Variants in NEO1 observed in about 807,000 individuals in gnomAD.
NEO1 encodes the protein neogenin.
In NEO1, 63 loss-of-function variants were observed where a neutral mutation model predicts 159.7. The observed-to-expected ratio is 0.39, with a 90% CI of 0.32 to 0.49. The LOEUF is 0.49. NEO1 is among the 20% of genes least tolerant of loss of function. The pLI, the probability that NEO1 is intolerant of heterozygous loss-of-function variation, is 0.85. For missense variants in NEO1, 1,615 were observed against 1,831.0 expected, an observed-to-expected ratio of 0.88 and a Z score of 2.15; for synonymous variants, 633 against 662.0, an observed-to-expected ratio of 0.96 and a Z score of 0.67.
intron 19 of NEO1, among the ~76,000 whole-genome samples, chr15:73,272,968 C>CAAAAA (rs56162211): frequency 2.3e-5 from 2 of 86,588 alleles, no homozygotes; most frequent in African/African-American, 4.6e-5. Flanking sequence ...CCTGAAGCCA[C>CAAAAA]AAAAAAAAAA....
At chr15:73,171,954 A>G (rs1358369011) in intron 5 of NEO1, among the ~76,000 whole-genome samples, 2 of 152,118 alleles carry the variant, frequency 1.3e-5, no homozygotes, top group African/African-American at 4.8e-5. Flanking sequence ...AAATTATTTT[A>G]GATACCAGCC....
At chr15:73,151,992 G>T (rs574248646) in intron 5 of NEO1, among the ~76,000 whole-genome samples, 6 of 152,252 alleles carry the variant, frequency 3.9e-5, no homozygotes, top group African/African-American at 1.2e-4. Context: ...GTAAATAATT[G>T]AATTTGCCTA....
chr15:73,192,428 G>A (rs2036284575), intron 7 of NEO1, among the ~76,000 whole-genome samples: 1 of 151,818 alleles, frequency 6.6e-6, no homozygotes. Flanking sequence ...AGGAAACATA[G>A]TTTTGAGTTC....
intron 7 of NEO1, among the ~76,000 whole-genome samples, chr15:73,222,350 C>T (rs551451922): frequency 1.3e-5 from 2 of 151,694 alleles, no homozygotes; most frequent in Admixed American, 6.6e-5. Context: ...GTGATCCGCC[C>T]GCCTCAGCCT....
At chr15:73,173,914 A>G (rs2035124780) in intron 5 of NEO1, among the ~76,000 whole-genome samples, 1 of 152,110 alleles carries the variant, frequency 6.6e-6, no homozygotes, top group Non-Finnish European at 1.5e-5. Context: ...AGCCTGGCCA[A>G]CATGGTGAAA....
At chr15:73,258,689 G>A in intron 13 of NEO1, 77 bp from the exon 14 acceptor site, 1 of 1,215,080 alleles carries the variant, frequency 8.2e-7, no homozygotes, top group Non-Finnish European at 1.2e-6. Flanking sequence ...TGAGATGTTT[G>A]CCTTAATGAG....
chr15:73,214,823 T>G (rs919848797), intron 7 of NEO1, among the ~76,000 whole-genome samples: 13 of 152,200 alleles, frequency 8.5e-5, no homozygotes, highest in Admixed American at 3.3e-4. Context: ...AGAATGATGG[T>G]GGCATTTTGA....
chr15:73,215,400 A>T (rs2037818863), intron 7 of NEO1, among the ~76,000 whole-genome samples: 1 of 152,098 alleles, frequency 6.6e-6, no homozygotes, highest in African/African-American at 2.4e-5. Flanking sequence ...ATTCAGTATT[A>T]TATTGGCTGT....
intron 20 of NEO1, 47 bp from the exon 21 acceptor site, chr15:73,274,645 T>C (rs1422937643): frequency 6.2e-7 from 1 of 1,602,906 alleles, no homozygotes; most frequent in Non-Finnish European, 8.5e-7. Flanking sequence ...CTTCAAAGCT[T>C]GTGATCCTTG....
chr15:73,165,624 A>C (rs988535328), intron 5 of NEO1, among the ~76,000 whole-genome samples: 2 of 152,198 alleles, frequency 1.3e-5, no homozygotes, highest in Non-Finnish European at 2.9e-5. Flanking sequence ...TATCACCTGG[A>C]GTTCAGAGTT....
chr15:73,262,188 T>C (rs1027660019), intron 15 of NEO1, among the ~76,000 whole-genome samples: 2 of 152,200 alleles, frequency 1.3e-5, no homozygotes, highest in Non-Finnish European at 2.9e-5. Flanking sequence ...AAAAAATCTT[T>C]ATGACTTTGG....
intron 1 of NEO1, among the ~76,000 whole-genome samples, chr15:73,106,358 T>C (rs765121646): frequency 6.6e-5 from 10 of 152,184 alleles, no homozygotes; most frequent in Non-Finnish European, 7.4e-5. Flanking sequence ...ATCTTCTAGA[T>C]AGCACATTAG....
At position 73,249,624 on chromosome 15, in the gene NEO1, GA is replaced by G; in HGVS notation, c.1803del (p.Lys601AsnfsTer44). 6.2e-7 allele frequency: 1 copy of G among 1,613,402 alleles called. No individual in the cohort carries two copies. Among genetic ancestry groups the G allele is most frequent in the South Asian group, 1.1e-5 (1 of 90,924 alleles). ...GTCACTCTTACACCATTAATGGGTTGAAAAAATATACAGAGTATAGTTTCCG... is the reference window on the plus strand; with the variant it reads ...GTCACTCTTACACCATTAATGGGTTGAAAAATATACAGAGTATAGTTTCCG... The part of the protein sequence containing the change: ...SSHSYTINGL[K>X]KYTEYSFRVV... On this transcript the variant is annotated frameshift_variant, in exon 11 of 29. Coordinates refer to ENST00000261908, the MANE Select transcript of NEO1 (RefSeq NM_002499.4). LOFTEE classifies it high-confidence loss of function.
intron 5 of NEO1, among the ~76,000 whole-genome samples, chr15:73,142,031 T>G (rs955719233): frequency 6.6e-6 from 1 of 152,208 alleles, no homozygotes; most frequent in South Asian, 2.1e-4. Flanking sequence ...CCAAGTTAAT[T>G]AATTTACCTA....
At chr15:73,129,410 A>G (rs1281156907) in intron 4 of NEO1, among the ~76,000 whole-genome samples, 1 of 152,200 alleles carries the variant, frequency 6.6e-6, no homozygotes, top group Non-Finnish European at 1.5e-5. Context: ...TAAAAAAAAA[A>G]GATCTTAAAT....
intron 8 of NEO1, 138 bp from the exon 9 acceptor site, chr15:73,244,206 C>G: frequency 2.2e-6 from 2 of 912,090 alleles, no homozygotes; most frequent in Non-Finnish European, 3.2e-6. Context: ...TTTGCACTGT[C>G]CTACCCCCAA....
At chr15:73,125,114 C>T (rs187974831) in intron 3 of NEO1, among the ~76,000 whole-genome samples, 2 of 152,306 alleles carry the variant, frequency 1.3e-5, no homozygotes, top group Admixed American at 6.5e-5. Flanking sequence ...GAGATCACTA[C>T]TCAACATCTG....
intron 7 of NEO1, among the ~76,000 whole-genome samples, chr15:73,198,556 T>C (rs2036672960): frequency 6.6e-6 from 1 of 152,026 alleles, no homozygotes; most frequent in Non-Finnish European, 1.5e-5. Context: ...ATTTAAAGAA[T>C]AAAACCGCCA....
chr15:73,244,793 A>C (rs546905561), intron 9 of NEO1, among the ~76,000 whole-genome samples: 1 of 151,726 alleles, frequency 6.6e-6, no homozygotes, highest in East Asian at 1.9e-4. Context: ...TCTACTAAAA[A>C]TACAAAAATT....
Sources: allele counts gnomAD v4.1 joint callset (sites outside exome capture counted in the v4.1 genomes callset), GRCh38; gene constraint gnomAD v4.1.1; transcripts MANE v1.5; gene names NCBI Gene and HGNC (gene_info 2026-07-23, HGNC 2026-07-21).